Variants in RABGAP1L observed in about 807,000 individuals in gnomAD.
RABGAP1L encodes rab GTPase-activating protein 1-like.
Under a neutral mutation model 137.7 loss-of-function variants are expected in RABGAP1L, and 63 were observed. That is an observed-to-expected ratio of 0.46 (90% CI 0.37 to 0.56). The LOEUF (loss-of-function observed/expected upper bound fraction) is 0.56. Ranked by LOEUF, RABGAP1L falls within the 20% of genes least tolerant of loss-of-function variation. The probability of loss-of-function intolerance (pLI) is 0.00; values close to 1 mark genes in which losing one functional copy is unlikely to be tolerated. For synonymous variants in RABGAP1L, 431 were observed against 433.7 expected (o/e 0.99, Z 0.08); for missense variants, 1,095 against 1,244.0 (o/e 0.88, Z 1.80).
At chr1:174,563,124 A>G (rs1374114657) in intron 13 of RABGAP1L, among the ~76,000 whole-genome samples, 2 of 152,196 alleles carry the variant, frequency 1.3e-5, no homozygotes, top group African/African-American at 4.8e-5. Flanking sequence ...ACCAAGCTTG[A>G]AATATTTACT....
intron 15 of RABGAP1L, among the ~76,000 whole-genome samples, chr1:174,689,581 C>G (rs1010582045): frequency 6.6e-6 from 1 of 152,074 alleles, no homozygotes; most frequent in African/African-American, 2.4e-5. Context: ...GTTGGCTGGC[C>G]TGGATTCATA....
chr1:174,755,900 C>G (rs1258118623), intron 18 of RABGAP1L, among the ~76,000 whole-genome samples: 15 of 152,142 alleles, frequency 9.9e-5, no homozygotes, highest in Admixed American at 9.8e-4. Context: ...GGGTTAAAAG[C>G]ATGTGGACAT....
chr1:174,990,474 T>C lies in RABGAP1L; in HGVS notation c.*473T>C, dbSNP rs1481641411. The C allele has an allele frequency of 6.6e-6, 1 of 152,570 alleles. No homozygotes were observed. The highest frequency in any genetic ancestry group is 1.5e-5 in the Non-Finnish European group (1 of 68,326). 9.5% of individuals were successfully genotyped at this position (152,570 alleles called of 1,614,324 possible). ...ATAAAGCACACTGTGGGGCCAGGCA[T>C]GACCACTCTCAGGTTTCCTCCTGAG... On this transcript the variant is annotated 3_prime_UTR_variant, in exon 26 of 26. Transcript: ENST00000681986.
chr1:174,934,801 GTGTGTGTGTA>G (rs1573898689), intron 19 of RABGAP1L: 1 of 130,090 alleles, frequency 7.7e-6, no homozygotes, highest in East Asian at 4.1e-4. Flanking sequence ...ATTCATATAT[GTGTGTGTGTA>G]TGTGTGTGTA....
intron 19 of RABGAP1L, among the ~76,000 whole-genome samples, chr1:174,849,259 T>TA (rs1647775753): frequency 6.6e-6 from 1 of 152,058 alleles, no homozygotes; most frequent in Non-Finnish European, 1.5e-5. Context: ...GTCACAGTCT[T>TA]AAGAGTCAGG....
chr1:174,629,218 C>T (rs761846305), intron 13 of RABGAP1L, among the ~76,000 whole-genome samples: 3 of 152,136 alleles, frequency 2.0e-5, no homozygotes, highest in South Asian at 4.2e-4. Flanking sequence ...TTTCTACTCT[C>T]AACTGTTATG....
intron 13 of RABGAP1L, among the ~76,000 whole-genome samples, chr1:174,590,032 T>A (rs1669445682): frequency 6.6e-6 from 1 of 151,920 alleles, no homozygotes; most frequent in Admixed American, 6.6e-5. Context: ...TTACACTGAA[T>A]CTGCACATTG....
chr1:174,553,553 A>G (rs934729773), intron 13 of RABGAP1L, among the ~76,000 whole-genome samples: 5 of 152,224 alleles, frequency 3.3e-5, no homozygotes, highest in Non-Finnish European at 5.9e-5. Context: ...AGAGAAGAGG[A>G]GGGAACACTT....
At chr1:174,633,970 G>A (rs1200091540) in intron 13 of RABGAP1L, among the ~76,000 whole-genome samples, 6 of 99,438 alleles carry the variant, frequency 6.0e-5, no homozygotes, top group South Asian at 3.7e-4. Context: ...GGACATAGGC[G>A]TGGGCAAGGA....
At chr1:174,699,154 G>A (rs1238554537) in intron 15 of RABGAP1L, among the ~76,000 whole-genome samples, 1 of 151,780 alleles carries the variant, frequency 6.6e-6, no homozygotes, top group Non-Finnish European at 1.5e-5. Context: ...TGCCACACTC[G>A]GCTAATTTTT....
At chr1:174,794,342 T>A (rs960273492) in intron 18 of RABGAP1L, among the ~76,000 whole-genome samples, 2 of 152,220 alleles carry the variant, frequency 1.3e-5, no homozygotes, top group Non-Finnish European at 2.9e-5. Flanking sequence ...TCTTTTTGTC[T>A]TTCTAAACCC....
At chr1:174,877,632 G>T (rs748897372) in intron 19 of RABGAP1L, 1 of 1,599,680 alleles carries the variant, frequency 6.3e-7, no homozygotes, top group East Asian at 2.2e-5. Context: ...ACACTACTCT[G>T]GTTCTGTATT....
At chr1:174,834,358 G>A (rs143577494) in intron 19 of RABGAP1L, among the ~76,000 whole-genome samples, 3,238 of 151,744 alleles carry the variant, frequency 0.021, 58 homozygotes, top group Middle Eastern at 0.034. Flanking sequence ...CCTGGGAGGC[G>A]GAGGTTGCAG....
intron 7 of RABGAP1L, 70 bp from the exon 8 acceptor site, chr1:174,272,344 C>CTTT (rs1238304735): frequency 5.9e-5 from 89 of 1,508,798 alleles, no homozygotes; most frequent in Non-Finnish European, 7.1e-5. Context: ...TGTAAAAAGG[C>CTTT]TTTATGCTCA....
At chr1:174,948,509 CAA>C (rs3086627) in intron 19 of RABGAP1L, among the ~76,000 whole-genome samples, 9,606 of 64,228 alleles carry the variant, frequency 0.15, 258 homozygotes, top group Middle Eastern at 0.3. Flanking sequence ...GACCCTGCCT[CAA>C]AAAAAAAAAA....
intron 13 of RABGAP1L, among the ~76,000 whole-genome samples, chr1:174,428,519 C>G (rs907617279): frequency 1.3e-5 from 2 of 152,112 alleles, no homozygotes; most frequent in African/African-American, 4.8e-5. Flanking sequence ...ACTGTAAACT[C>G]AAAAATTAAG....
chr1:174,962,208 CA>C lies in RABGAP1L; in HGVS notation c.2433+4660del, dbSNP rs1669213022. 3.0e-5 allele frequency among the ~76,000 whole-genome samples: 4 copies of C among 131,896 alleles called. 1 individual carries two copies. The highest frequency in any genetic ancestry group is 3.2e-5 in the Non-Finnish European group (2 of 63,040). 86.5% of individuals were successfully genotyped at this position (131,896 alleles called of 152,430 possible). A position where few individuals can be genotyped will look rare whatever the true frequency, so the allele number is the denominator to read the frequency against. ...AAAATAAAAATACACCCCCCCCCCACACACACACACAGCTAGTTAATTAAAT... is the reference window on the plus strand; with the variant it reads ...AAAATAAAAATACACCCCCCCCCCACCACACACACAGCTAGTTAATTAAAT... On this transcript the variant is annotated intron_variant, in intron 20 of 25. Coordinates refer to ENST00000681986, the MANE Select transcript of RABGAP1L (RefSeq NM_001366446.1).
chr1:174,746,551 C>G (rs536334895), intron 17 of RABGAP1L, among the ~76,000 whole-genome samples: 1 of 152,292 alleles, frequency 6.6e-6, no homozygotes, highest in African/African-American at 2.4e-5. Flanking sequence ...TTTTTACTCT[C>G]TGCTCTCAAA....
chr1:174,468,261 G>A (rs1203110668), intron 13 of RABGAP1L, among the ~76,000 whole-genome samples: 1 of 152,044 alleles, frequency 6.6e-6, no homozygotes, highest in Admixed American at 6.6e-5. Context: ...AACAAATAGA[G>A]ATTTCAGAAT....
Sources: allele counts gnomAD v4.1 joint callset (sites outside exome capture counted in the v4.1 genomes callset), GRCh38; gene constraint gnomAD v4.1.1; transcripts MANE v1.5; gene names NCBI Gene and HGNC (gene_info 2026-07-23, HGNC 2026-07-21).